The following DGKB variants were observed in gnomAD, a reference collection of about 807,000 sequenced individuals.
DGKB encodes 90 kDa diacylglycerol kinase.
DGKB carries 67 observed loss-of-function variants against 114.3 expected under a neutral mutation model. The observed-to-expected ratio is 0.59, with a 90% confidence interval of 0.48 to 0.72. The LOEUF (loss-of-function observed/expected upper bound fraction) is 0.72, where lower values mean the gene tolerates loss of function less well. Ranked by LOEUF, DGKB falls within the 30% of genes least tolerant of loss-of-function variation. DGKB has a pLI of 0.00. For synonymous variants in DGKB, 398 were observed against 323.1 expected (o/e 1.23, Z -2.49); for missense variants, 907 against 975.2 (o/e 0.93, Z 0.93).
chr7:14,442,916 A>G (rs990843545), intron 21 of DGKB, among the ~76,000 whole-genome samples: 1 of 152,108 alleles, frequency 6.6e-6, no homozygotes, highest in Non-Finnish European at 1.5e-5. Flanking sequence ...ATCTTTTTAC[A>G]TATTTTCTTT....
chr7:14,204,806 T>G (rs115900593), intron 23 of DGKB, among the ~76,000 whole-genome samples: 13 of 152,042 alleles, frequency 8.6e-5, no homozygotes, highest in South Asian at 2.1e-4. Context: ...TACGTTCATG[T>G]AGATCAATTC....
intron 5 of DGKB, among the ~76,000 whole-genome samples, chr7:14,721,013 G>T (rs752177554): frequency 6.6e-6 from 1 of 152,108 alleles, no homozygotes; most frequent in African/African-American, 2.4e-5. Context: ...AATTATGGTC[G>T]GATAAGCTAT....
Position 14,537,940 on chromosome 7 carries a change from C to T in DGKB, c.1770+36272G>A, listed in dbSNP as rs1159079249. ...TACTAATAATACAAAATTAGCCAGG[C>T]GTGGCGGCGCATGCCTGTAATACCA... On this transcript the variant is annotated intron_variant, in intron 20 of 25. Coordinates refer to ENST00000402815, the MANE Select transcript of DGKB (RefSeq NM_001350709.2). Among the ~76,000 whole-genome samples the T allele has an allele frequency of 3.9e-5, 6 of 151,904 alleles. No individual in the cohort carries two copies. In the East Asian group the frequency reaches 5.8e-4, roughly 15 times the overall value.
chr7:14,179,514 A>C (rs1782315625), intron 23 of DGKB, among the ~76,000 whole-genome samples: 1 of 152,204 alleles, frequency 6.6e-6, no homozygotes, highest in Admixed American at 6.5e-5. Flanking sequence ...ATAGAAAAAC[A>C]AGCAAATGTG....
At chr7:14,246,681 G>A (rs1794526715) in intron 23 of DGKB, among the ~76,000 whole-genome samples, 2 of 152,018 alleles carry the variant, frequency 1.3e-5, no homozygotes, top group African/African-American at 2.4e-5. Context: ...CACCCCTCCA[G>A]CTTTATTGAG....
chr7:14,605,366 C>CTATA (rs145563580), intron 17 of DGKB, among the ~76,000 whole-genome samples: 2,412 of 146,586 alleles, frequency 0.016, 29 homozygotes, highest in South Asian at 0.023. Flanking sequence ...TATATATATA[C>CTATA]TATATATATA....
chr7:14,553,351 GT>G (rs1356629857), intron 20 of DGKB, among the ~76,000 whole-genome samples: 1 of 152,076 alleles, frequency 6.6e-6, no homozygotes, highest in African/African-American at 2.4e-5. Context: ...TTTCCCTCTT[GT>G]GTTCTCCAAT....
chr7:14,664,066 C>G (rs1472909527), intron 13 of DGKB, among the ~76,000 whole-genome samples: 2 of 152,010 alleles, frequency 1.3e-5, no homozygotes, highest in Non-Finnish European at 2.9e-5. Context: ...CAAGTAATAA[C>G]TATTTTTAAA....
intron 21 of DGKB, among the ~76,000 whole-genome samples, chr7:14,454,243 A>G (rs1468944891): frequency 6.6e-6 from 1 of 151,982 alleles, no homozygotes; most frequent in Non-Finnish European, 1.5e-5. Flanking sequence ...AACTTATTCC[A>G]TCTATCTAAG....
chr7:14,228,884 CTG>C (rs71548072), intron 23 of DGKB, among the ~76,000 whole-genome samples: 22 of 148,680 alleles, frequency 1.5e-4, no homozygotes, highest in Admixed American at 3.4e-4. Flanking sequence ...AGTTTTTTTT[CTG>C]TGTGTGTGTG....
intron 4 of DGKB, among the ~76,000 whole-genome samples, chr7:14,750,546 G>C (rs1311258083): frequency 1.3e-5 from 2 of 152,014 alleles, no homozygotes; most frequent in African/African-American, 2.4e-5. Flanking sequence ...GTTCTTACTT[G>C]ATTGGACTGC....
chr7:14,717,712 C>T (rs760740662), intron 6 of DGKB, among the ~76,000 whole-genome samples: 3 of 152,000 alleles, frequency 2.0e-5, no homozygotes, highest in Non-Finnish European at 2.9e-5. Context: ...GTTATCTTCA[C>T]TATCATTCTA....
intron 23 of DGKB, among the ~76,000 whole-genome samples, chr7:14,193,080 GCT>G (rs1435658450): frequency 9.2e-5 from 14 of 151,828 alleles, no homozygotes; most frequent in African/African-American, 3.4e-4. Flanking sequence ...CTCACCTGCT[GCT>G]CACCTCCTGC....
At chr7:14,731,389 A>G (rs944369998) in intron 5 of DGKB, among the ~76,000 whole-genome samples, 1 of 152,188 alleles carries the variant, frequency 6.6e-6, no homozygotes, top group Non-Finnish European at 1.5e-5. Context: ...AATTTGTTAT[A>G]TGATGCAAAA....
intron 23 of DGKB, among the ~76,000 whole-genome samples, chr7:14,335,761 T>A (rs976749867): frequency 6.6e-6 from 1 of 151,446 alleles, no homozygotes; most frequent in African/African-American, 2.4e-5. Flanking sequence ...TTTTGTTTTG[T>A]TTTTTTTAAG....
intron 20 of DGKB, among the ~76,000 whole-genome samples, chr7:14,483,137 A>G (rs1783240477): frequency 1.3e-5 from 2 of 149,726 alleles, no homozygotes; most frequent in Admixed American, 1.3e-4. Flanking sequence ...CCCCCCAAAA[A>G]GATATCAGAT....
intron 21 of DGKB, among the ~76,000 whole-genome samples, chr7:14,468,905 G>A (rs1780876309): frequency 6.6e-6 from 1 of 151,910 alleles, no homozygotes; most frequent in Non-Finnish European, 1.5e-5. Context: ...TTCATGTAAA[G>A]TAATAATACA....
In DGKB at chr7:14,825,566, C is replaced by G. The variant is rs571672544; in HGVS notation, c.70+15628G>C. On this transcript the variant is annotated intron_variant, in intron 2 of 25. Coordinates refer to ENST00000402815, the MANE Select transcript of DGKB (RefSeq NM_001350709.2). The stretch of plus-strand genomic sequence containing the variant: ...GACATCTAATACCACCCTACTCTGA[C>G]AGGAGGCGAGGCTCAGGTGGTAATG... Among the ~76,000 whole-genome samples the G allele has an allele frequency of 5.0e-4, 76 of 152,140 alleles. 1 individual carries two copies. The highest frequency in any genetic ancestry group is 3.9e-4 in the Admixed American group (6 of 15,280).
intron 20 of DGKB, among the ~76,000 whole-genome samples, chr7:14,498,045 A>G (rs1209319286): frequency 1.3e-5 from 2 of 151,934 alleles, no homozygotes; most frequent in Non-Finnish European, 2.9e-5. Flanking sequence ...CTTAACTGTT[A>G]TAATACATGG....
Sources: allele counts gnomAD v4.1 joint callset (sites outside exome capture counted in the v4.1 genomes callset), GRCh38; gene constraint gnomAD v4.1.1; transcripts MANE v1.5; gene names NCBI Gene and HGNC (gene_info 2026-07-23, HGNC 2026-07-21).